Variants in PKHD1 observed in about 807,000 individuals in gnomAD.
PKHD1 encodes fibrocystin.
Under a neutral mutation model 412.0 loss-of-function variants are expected in PKHD1, and 291 were observed. The ratio of observed to expected loss-of-function variants is 0.71; its 90% CI spans 0.64 to 0.78. PKHD1 has a LOEUF of 0.78. Among genes scored for constraint, PKHD1 ranks in the 30% least tolerant of loss-of-function variants. PKHD1 has a pLI of 0.00. For synonymous variants in PKHD1, 1,777 were observed against 1,821.5 expected (o/e 0.98, Z 0.62); for missense variants, 4,825 against 4,950.7 (o/e 0.97, Z 0.76).
intron 32 of PKHD1, among the ~76,000 whole-genome samples, chr6:52,023,197 A>G (rs1801662043): frequency 6.6e-6 from 1 of 152,130 alleles, no homozygotes; most frequent in Admixed American, 6.5e-5. Context: ...TTTTATATGG[A>G]AAATTAATGC....
At chr6:51,628,708 C>T (rs1306617423) in intron 65 of PKHD1, among the ~76,000 whole-genome samples, 1 of 152,162 alleles carries the variant, frequency 6.6e-6, no homozygotes, top group Non-Finnish European at 1.5e-5. Context: ...ATCAGCATTC[C>T]CTTTTCTCCA....
At chr6:51,752,783 A>G (rs17753015) in intron 57 of PKHD1, among the ~76,000 whole-genome samples, 48,721 of 152,154 alleles carry the variant, frequency 0.32, 9,672 homozygotes, top group East Asian at 0.68. Flanking sequence ...AAGCAGTCTG[A>G]AATATGGAAA....
chr6:51,868,236 A>G (rs1275774703), intron 47 of PKHD1, 127 bp from the exon 48 acceptor site: 3 of 895,336 alleles, frequency 3.4e-6, no homozygotes, highest in Non-Finnish European at 5.3e-6. Flanking sequence ...TTCATGCAAG[A>G]AAAAAAGTGT....
chr6:51,676,114 T>C (rs528095480), intron 60 of PKHD1, among the ~76,000 whole-genome samples: 68 of 151,268 alleles, frequency 4.5e-4, no homozygotes, highest in Admixed American at 4.5e-3. Context: ...GCTTCCAGGG[T>C]TCTAACATAT....
chr6:51,667,729 G>T (rs1392628432), intron 60 of PKHD1, among the ~76,000 whole-genome samples: 1 of 149,478 alleles, frequency 6.7e-6, no homozygotes, highest in Non-Finnish European at 1.5e-5. Flanking sequence ...TGTATAAGGT[G>T]TAAGGAAGGG....
intron 60 of PKHD1, among the ~76,000 whole-genome samples, chr6:51,671,470 C>T (rs1774963724): frequency 6.6e-6 from 1 of 152,148 alleles, no homozygotes. Context: ...TCAAAGTTTT[C>T]AACTTCTTTG....
At chr6:51,647,203 A>ATG (rs1178635906) in intron 63 of PKHD1, among the ~76,000 whole-genome samples, 1 of 152,194 alleles carries the variant, frequency 6.6e-6, no homozygotes, top group African/African-American at 2.4e-5. Flanking sequence ...ATAAATTAAT[A>ATG]TGTGTCTCTT....
rs1035362126 is a variant in PKHD1 at position 51,724,948 on chromosome 6, G to A, written c.10156+19437C>T. Among the ~76,000 whole-genome samples, 5 of 152,136 alleles carry A rather than the reference G, an allele frequency of 3.3e-5. No homozygotes were observed. In the East Asian group the frequency reaches 9.6e-4, roughly 29 times the overall value. On this transcript the variant is annotated intron_variant, in intron 60 of 66. Transcript: ENST00000371117. ...TTTAATCATGCAGTGAAGGAAGTTA[G>A]GACAACCCCTAGCTGTGAGGTTATA...
intron 34 of PKHD1, among the ~76,000 whole-genome samples, chr6:52,011,570 T>A (rs766490941): frequency 6.6e-6 from 1 of 152,170 alleles, no homozygotes; most frequent in Non-Finnish European, 1.5e-5. Flanking sequence ...GCAGATCCCA[T>A]GGGAAGACCA....
rs536626648 is a variant in PKHD1, at chr6:51,874,229, C to T, written c.7351-3590G>A. On this transcript the variant is annotated intron_variant, in intron 46 of 66. Transcript: ENST00000371117. ...TTACAATAACAACGAAGACAGCCAT[C>T]CTACAGATACTTCGATAAGTAGGGT... Among the ~76,000 whole-genome samples the T allele has an allele frequency of 3.3e-5, 5 of 152,242 alleles. No individual in the cohort carries two copies. The South Asian group carries it at 8.3e-4, about 25-fold the overall frequency.
rs1457028184 is a variant in PKHD1, at chr6:51,617,078, G to A, written c.*2003C>T. ...TATAGAGCTCAGGAAAAATACCTGT[G>A]GAAAAAAAACTTAAAAAGTGGTGAA... On this transcript the variant is annotated 3_prime_UTR_variant, in exon 67 of 67. Transcript: ENST00000371117. 1 of 171,678 alleles carries A rather than the reference G, an allele frequency of 5.8e-6. No homozygotes were observed. Among genetic ancestry groups the A allele is most frequent in the Non-Finnish European group, 1.2e-5 (1 of 81,370 alleles). The allele number at this position is 171,678 out of a possible 1,614,324, so 10.6% of individuals were successfully genotyped here.
intron 60 of PKHD1, among the ~76,000 whole-genome samples, chr6:51,702,358 C>T (rs1779550672): frequency 6.6e-6 from 1 of 151,414 alleles, no homozygotes; most frequent in South Asian, 2.1e-4. Flanking sequence ...TATGATCTCA[C>T]TCATAAGTGG....
At chr6:51,624,575 A>G (rs1158851017) in intron 66 of PKHD1, among the ~76,000 whole-genome samples, 1 of 152,196 alleles carries the variant, frequency 6.6e-6, no homozygotes, top group East Asian at 1.9e-4. Flanking sequence ...TTCTATTAAT[A>G]CATTTCTTTT....
intron 45 of PKHD1, among the ~76,000 whole-genome samples, chr6:51,884,121 C>T (rs4715255): frequency 0.4 from 61,314 of 151,976 alleles, 13,602 homozygotes; most frequent in East Asian, 0.86. Flanking sequence ...CTTATGTTTA[C>T]GTCTTTGACC....
intron 43 of PKHD1, among the ~76,000 whole-genome samples, chr6:51,893,749 C>A (rs1266024408): frequency 2.7e-5 from 4 of 150,258 alleles, no homozygotes; most frequent in Non-Finnish European, 5.9e-5. Context: ...TCTATAGTCA[C>A]TAGAAAAAAA....
intron 65 of PKHD1, among the ~76,000 whole-genome samples, chr6:51,627,823 A>T (rs1209202458): frequency 6.6e-6 from 1 of 152,148 alleles, no homozygotes; most frequent in African/African-American, 2.4e-5. Flanking sequence ...CTGAAGAGAT[A>T]CTTCATCTTC....
At chr6:52,047,578 A>G (rs1806062298) in intron 23 of PKHD1, among the ~76,000 whole-genome samples, 1 of 152,150 alleles carries the variant, frequency 6.6e-6, no homozygotes, top group Admixed American at 6.5e-5. Flanking sequence ...CTCTAATTGC[A>G]TCTGAAAGTT....
In PKHD1 at chr6:52,035,682, C is replaced by T. The variant is rs374106769; in HGVS notation, c.3137G>A (p.Gly1046Asp). Reference protein sequence around the residue: ...WATIRGSSLEGVSLILFGSYS... With the variant: ...WATIRGSSLEDVSLILFGSYS... ...AGATCCAAATAATATCAGGCTAACA[C>T]CTTCCAAACTAGAGCCTCGGATGGT... is the stretch of plus-strand genomic sequence containing the variant. Residue 1046 changes from glycine (G) to aspartate (D), a missense_variant, in exon 28 of 67, where the codon GGT becomes GAT. Physicochemically the swap from Gly to Asp is moderately conservative, Grantham distance 94. Coordinates refer to ENST00000371117, the MANE Select transcript of PKHD1 (RefSeq NM_138694.4). 6 of 1,613,946 alleles carry T rather than the reference C, an allele frequency of 3.7e-6. No individual in the cohort carries two copies. The Admixed American group carries it at 6.7e-5, about 18-fold the overall frequency.
At chr6:51,791,186 T>G in intron 53 of PKHD1, 50 bp downstream of exon 53, 1 of 1,587,562 alleles carries the variant, frequency 6.3e-7, no homozygotes, top group Non-Finnish European at 8.7e-7. Flanking sequence ...GAGCCCCTTC[T>G]CACAGAATAT....
Sources: allele counts gnomAD v4.1 joint callset (sites outside exome capture counted in the v4.1 genomes callset), GRCh38; gene constraint gnomAD v4.1.1; transcripts MANE v1.5; gene names NCBI Gene and HGNC (gene_info 2026-07-23, HGNC 2026-07-21).